PIEZO2: variants seen among roughly 807,000 people sequenced by gnomAD.
PIEZO2 encodes piezo type mechanosensitive ion channel component 2.
A neutral mutation model predicts 337.3 loss-of-function variants in PIEZO2; 172 were observed. The observed-to-expected ratio is 0.51, with a 90% CI of 0.45 to 0.58. PIEZO2 has a LOEUF of 0.58. Among genes scored for constraint, PIEZO2 ranks in the 20% least tolerant of loss-of-function variants. The probability of loss-of-function intolerance (pLI) is 0.00; values close to 1 mark genes in which losing one functional copy is unlikely to be tolerated. For synonymous variants in PIEZO2, 1,251 were observed against 1,228.5 expected, an observed-to-expected ratio of 1.02 and a Z score of -0.38; for missense variants, 3,028 against 3,391.3, an observed-to-expected ratio of 0.89 and a Z score of 2.66.
chr18:11,026,971 G>C (rs757965760), intron 2 of PIEZO2, among the ~76,000 whole-genome samples: 1 of 152,158 alleles, frequency 6.6e-6, no homozygotes, highest in Non-Finnish European at 1.5e-5. Flanking sequence ...GAACTAATGG[G>C]AGCGCTCGTC....
intron 2 of PIEZO2, among the ~76,000 whole-genome samples, chr18:11,060,331 C>T (rs1308694375): frequency 2.0e-5 from 3 of 152,140 alleles, no homozygotes; most frequent in African/African-American, 7.2e-5. Flanking sequence ...GACACCCTAA[C>T]ATCACAATTA....
chr18:10,720,311 G>GTGTA (rs1386732654), intron 36 of PIEZO2, among the ~76,000 whole-genome samples: 15 of 119,630 alleles, frequency 1.3e-4, no homozygotes, highest in African/African-American at 4.0e-4. Context: ...CTCTCTGTGT[G>GTGTA]TATATATATA....
chr18:10,773,722 A>T lies in PIEZO2; in HGVS notation c.2568-93T>A, dbSNP rs780240635. On this transcript the variant is annotated intron_variant, in intron 19 of 55. Coordinates refer to ENST00000674853, the MANE Select transcript of PIEZO2 (RefSeq NM_001378183.1). This position sits in a 1 kb window ranked among gnomAD's most constrained non-coding sequence, Gnocchi z 5.3. ...TAAAAGGAGGATAAACACAAATGAA[A>T]TCAGTGCATGTACAAAGACCTCACA... 5.8e-6 allele frequency: 7 copies of T among 1,203,374 alleles called. No homozygotes were observed. Among genetic ancestry groups the T allele is most frequent in the Non-Finnish European group, 8.2e-6 (7 of 850,592 alleles). 74.5% of individuals were successfully genotyped at this position (1,203,374 alleles called of 1,614,324 possible).
chr18:11,064,680 T>C (rs1342932239), intron 2 of PIEZO2, among the ~76,000 whole-genome samples: 2 of 152,064 alleles, frequency 1.3e-5, no homozygotes, highest in African/African-American at 4.8e-5. Context: ...AAGTCAGGGG[T>C]TGTCACAGAA....
chr18:10,886,487 C>CATATATATATATAATGTGTGT, intron 4 of PIEZO2, among the ~76,000 whole-genome samples: 2 of 45,880 alleles, frequency 4.4e-5, no homozygotes, highest in Non-Finnish European at 6.8e-5. Context: ...ATATCCAAAC[C>CATATATATATATAATGTGTGT]ATATATATAT....
chr18:10,688,975 C>T (rs989466023), intron 49 of PIEZO2, among the ~76,000 whole-genome samples: 3 of 152,182 alleles, frequency 2.0e-5, no homozygotes, highest in East Asian at 1.9e-4. Context: ...GGCCCCATGA[C>T]TGTAACGCTG....
intron 10 of PIEZO2, among the ~76,000 whole-genome samples, chr18:10,801,056 C>T (rs2039794948): frequency 6.6e-6 from 1 of 152,204 alleles, no homozygotes; most frequent in African/African-American, 2.4e-5. Context: ...GTCTCTTTGG[C>T]TTTACAATTT....
intron 2 of PIEZO2, among the ~76,000 whole-genome samples, chr18:11,026,802 C>G (rs577281637): frequency 6.6e-6 from 1 of 152,242 alleles, no homozygotes; most frequent in Admixed American, 6.5e-5. Flanking sequence ...ATCTGTCACC[C>G]AATTAACCCA....
intron 21 of PIEZO2, among the ~76,000 whole-genome samples, chr18:10,768,824 T>C (rs1173305341): frequency 1.3e-5 from 2 of 152,218 alleles, no homozygotes; most frequent in African/African-American, 4.8e-5. Flanking sequence ...GCCTTTTGTT[T>C]AGGATCTATA....
rs2041610491 is a variant in PIEZO2, at chr18:10,853,327, G to T, written c.917+2026C>A. ...CAAACCGTGCACTTGATCTCAAGTC[G>T]CCTGCTTAGCCCACTTCCAAGTGTA... On this transcript the variant is annotated intron_variant, in intron 7 of 55. Coordinates refer to ENST00000674853, the MANE Select transcript of PIEZO2 (RefSeq NM_001378183.1). The surrounding 1 kb of genome is among the most constrained non-coding windows in gnomAD (Gnocchi z 4.2). Among the ~76,000 whole-genome samples, 1 of 152,160 alleles carries T rather than the reference G, an allele frequency of 6.6e-6. No homozygotes were observed. Among genetic ancestry groups the T allele is most frequent in the Non-Finnish European group, 1.5e-5 (1 of 68,032 alleles).
In PIEZO2 at chr18:10,797,534, A is replaced by G. The variant is rs554235463; in HGVS notation, c.1379-12T>C. On this transcript the variant is annotated splice_polypyrimidine_tract_variant and intron_variant, in intron 11 of 55. Transcript: ENST00000674853. Reference sequence around the variant, plus strand: ...CTCCTCTCGCTTTTCTAGATGGACGAATACTTTATTTAACTATTTATGCAA... The same window carrying G: ...CTCCTCTCGCTTTTCTAGATGGACGGATACTTTATTTAACTATTTATGCAA... The G allele has an allele frequency of 1.0e-5, 16 of 1,535,874 alleles. No homozygotes were observed. The South Asian group carries it at 1.7e-4, about 16-fold the overall frequency.
At chr18:10,860,560 C>G (rs1160174583) in intron 5 of PIEZO2, among the ~76,000 whole-genome samples, 2 of 152,154 alleles carry the variant, frequency 1.3e-5, no homozygotes, top group Admixed American at 6.6e-5. Flanking sequence ...GCTCATCAGG[C>G]ATCTGTTGCT....
intron 2 of PIEZO2, among the ~76,000 whole-genome samples, chr18:10,998,819 T>G (rs2035427918): frequency 6.6e-6 from 1 of 151,062 alleles, no homozygotes; most frequent in South Asian, 2.1e-4. Flanking sequence ...CATGTTTTAT[T>G]CATACATTTT....
chr18:10,907,392 G>C (rs1422256283), intron 4 of PIEZO2, among the ~76,000 whole-genome samples: 1 of 151,682 alleles, frequency 6.6e-6, no homozygotes, highest in East Asian at 1.9e-4. Context: ...GCAGTGAGCT[G>C]AGATCACGCC....
At chr18:11,015,022 T>C (rs1288823212) in intron 2 of PIEZO2, among the ~76,000 whole-genome samples, 1 of 133,948 alleles carries the variant, frequency 7.5e-6, no homozygotes. Context: ...GATGTCACCC[T>C]GGGCGGGACA....
chr18:10,832,247 AC>A (rs1236613463), intron 7 of PIEZO2, among the ~76,000 whole-genome samples: 34 of 152,316 alleles, frequency 2.2e-4, no homozygotes, highest in Admixed American at 2.2e-3. Flanking sequence ...TCTCAAAAAA[AC>A]AAAACAAAAC....
In PIEZO2 at chr18:11,101,226, C is replaced by T. The variant is rs1225809713; in HGVS notation, c.65-35004G>A. Among the ~76,000 whole-genome samples, 1 of 152,224 alleles carries T rather than the reference C, an allele frequency of 6.6e-6. No individual in the cohort carries two copies. Among genetic ancestry groups the T allele is most frequent in the East Asian group, 1.9e-4 (1 of 5,182 alleles). On this transcript the variant is annotated intron_variant, in intron 1 of 55. Transcript: ENST00000674853. This position sits in a 1 kb window ranked among gnomAD's most constrained non-coding sequence, Gnocchi z 4.4. Reference sequence around the variant, plus strand: ...CAGCCCAAGCCCTTTACTGACCTCCCTAATCCTCAAGAACACTCCTTCCGA... The same window carrying T: ...CAGCCCAAGCCCTTTACTGACCTCCTTAATCCTCAAGAACACTCCTTCCGA...
At position 11,032,559 on chromosome 18, in the gene PIEZO2, C is replaced by T. The variant is rs2036779562; in HGVS notation, c.160+33568G>A. ...TCTGACTACCCTGGTCATAAGAGCA[C>T]AGGGGCAAACACAACAAATACCTCT... On this transcript the variant is annotated intron_variant, in intron 2 of 55. Coordinates refer to ENST00000674853, the MANE Select transcript of PIEZO2 (RefSeq NM_001378183.1). The surrounding 1 kb of genome is among the most constrained non-coding windows in gnomAD (Gnocchi z 4.9). 6.6e-6 allele frequency among the ~76,000 whole-genome samples: 1 copy of T among 152,176 alleles called. No individual in the cohort carries two copies. The highest frequency in any genetic ancestry group is 2.1e-4 in the South Asian group (1 of 4,828).
At position 10,824,695 on chromosome 18, in the gene PIEZO2, A is replaced by G. The variant is rs2040617299; in HGVS notation, c.918-17421T>C. On this transcript the variant is annotated intron_variant, in intron 7 of 55. Coordinates refer to ENST00000674853, the MANE Select transcript of PIEZO2 (RefSeq NM_001378183.1). This position sits in a 1 kb window ranked among gnomAD's most constrained non-coding sequence, Gnocchi z 4.4. ...AATTTTAGAACAATTTTAAATTTACAGACAAGTTGAAAACATACTACAGAG... is the reference window on the plus strand; with the variant it reads ...AATTTTAGAACAATTTTAAATTTACGGACAAGTTGAAAACATACTACAGAG... 6.6e-6 allele frequency among the ~76,000 whole-genome samples: 1 copy of G among 152,216 alleles called. No homozygotes were observed. The highest frequency in any genetic ancestry group is 1.5e-5 in the Non-Finnish European group (1 of 68,030).
Sources: allele counts gnomAD v4.1 joint callset (sites outside exome capture counted in the v4.1 genomes callset), GRCh38; gene constraint gnomAD v4.1.1; non-coding constraint Gnocchi (gnomAD v3.1); transcripts MANE v1.5; gene names NCBI Gene and HGNC (gene_info 2026-07-23, HGNC 2026-07-21).